PID1: variants seen among roughly 807,000 people sequenced by gnomAD.
The protein encoded by PID1 is PTB-containing, cubilin and LRP1-interacting protein.
A neutral mutation model predicts 19.1 loss-of-function variants in PID1; 10 were observed. That is an observed-to-expected ratio of 0.52 (90% CI 0.32 to 0.89). PID1 has a LOEUF of 0.89. Ranked by LOEUF, PID1 falls within the 40% of genes least tolerant of loss-of-function variation. The pLI is 0.03. For synonymous variants in PID1, 130 were observed against 116.0 expected, an observed-to-expected ratio of 1.12 and a Z score of -0.78; for missense variants, 248 against 285.3, an observed-to-expected ratio of 0.87 and a Z score of 0.94.
At chr2:229,154,939 T>A (rs1325015750) in intron 2 of PID1, among the ~76,000 whole-genome samples, 2 of 152,214 alleles carry the variant, frequency 1.3e-5, no homozygotes, top group Admixed American at 6.5e-5. Flanking sequence ...ACCAAAATTA[T>A]ACATTTCATT....
chr2:229,196,257 A>T (rs944873630), intron 1 of PID1, among the ~76,000 whole-genome samples: 2 of 152,092 alleles, frequency 1.3e-5, no homozygotes, highest in African/African-American at 4.8e-5. Context: ...GAGGCAGTAA[A>T]AAACATACAG....
chr2:229,057,544 G>A (rs1333120895), intron 2 of PID1, among the ~76,000 whole-genome samples: 2 of 151,718 alleles, frequency 1.3e-5, no homozygotes, highest in African/African-American at 4.8e-5. Flanking sequence ...GATATGCACT[G>A]CAAACAGAAT....
chr2:229,169,534 A>T (rs1221629283), intron 1 of PID1, among the ~76,000 whole-genome samples: 1 of 152,214 alleles, frequency 6.6e-6, no homozygotes, highest in African/African-American at 2.4e-5. Flanking sequence ...AAATTAATAC[A>T]TTGAGGAATG....
chr2:229,136,985 G>A (rs376168177), intron 2 of PID1, among the ~76,000 whole-genome samples: 1 of 152,174 alleles, frequency 6.6e-6, no homozygotes, highest in African/African-American at 2.4e-5. Flanking sequence ...TTAAGGCAAG[G>A]GGGTATTTCC....
intron 1 of PID1, among the ~76,000 whole-genome samples, chr2:229,246,817 G>A (rs1422407026): frequency 6.6e-6 from 1 of 152,118 alleles, no homozygotes; most frequent in Non-Finnish European, 1.5e-5. Context: ...TCTCCAGCTG[G>A]GTTGGTCAGC....
intron 2 of PID1, among the ~76,000 whole-genome samples, chr2:229,028,704 G>A (rs576690562): frequency 3.3e-5 from 5 of 152,260 alleles, no homozygotes; most frequent in South Asian, 4.2e-4. Flanking sequence ...ACAAAATCAC[G>A]TCCTTTGCGA....
chr2:229,096,454 A>G lies in PID1; in HGVS notation c.177+59364T>C, dbSNP rs113797243. Among the ~76,000 whole-genome samples, 1,166 of 152,260 alleles carry G rather than the reference A, an allele frequency of 7.7e-3. 14 individuals carry two copies. The highest frequency in any genetic ancestry group is 0.027 in the African/African-American group (1,116 of 41,566). On this transcript the variant is annotated intron_variant, in intron 2 of 2. Coordinates refer to ENST00000392055, the MANE Select transcript of PID1 (RefSeq NM_001100818.2). ...AAGAGCTCAGCAATTTTCTTGTAACATATTAGTAAAGATGTCTCCGTTTCA... is the reference window on the plus strand; with the variant it reads ...AAGAGCTCAGCAATTTTCTTGTAACGTATTAGTAAAGATGTCTCCGTTTCA...
At chr2:229,167,540 C>T (rs571243660) in intron 1 of PID1, among the ~76,000 whole-genome samples, 34 of 152,098 alleles carry the variant, frequency 2.2e-4, no homozygotes, top group South Asian at 1.0e-3. Flanking sequence ...TCTTCAAAAA[C>T]GTTACAGTTA....
At chr2:229,185,317 A>C (rs1365528255) in intron 1 of PID1, among the ~76,000 whole-genome samples, 1 of 151,916 alleles carries the variant, frequency 6.6e-6, no homozygotes. Context: ...ATGTTTCTCT[A>C]GATGCCCTCG....
intron 2 of PID1, among the ~76,000 whole-genome samples, chr2:229,124,058 G>C (rs765819024): frequency 6.6e-6 from 1 of 152,124 alleles, no homozygotes; most frequent in South Asian, 2.1e-4. Context: ...AAAATATGGC[G>C]AGACTGGAAG....
intron 2 of PID1, among the ~76,000 whole-genome samples, chr2:229,035,301 A>T (rs1344766418): frequency 6.6e-6 from 1 of 152,180 alleles, no homozygotes; most frequent in Non-Finnish European, 1.5e-5. Context: ...CTGCTTCTAG[A>T]CTGATTTCTG....
chr2:229,155,606 T>A (rs949927138), intron 2 of PID1, among the ~76,000 whole-genome samples: 1 of 152,146 alleles, frequency 6.6e-6, no homozygotes, highest in Non-Finnish European at 1.5e-5. Flanking sequence ...CCCTAGGTCT[T>A]TAATGCGTGT....
chr2:229,046,489 A>T (rs1190692272), intron 2 of PID1, among the ~76,000 whole-genome samples: 1 of 152,090 alleles, frequency 6.6e-6, no homozygotes, highest in Non-Finnish European at 1.5e-5. Context: ...AGAGGTATAT[A>T]GAGGAAAAAT....
At chr2:229,235,194 C>T (rs1022871043) in intron 1 of PID1, among the ~76,000 whole-genome samples, 1 of 152,236 alleles carries the variant, frequency 6.6e-6, no homozygotes, top group Non-Finnish European at 1.5e-5. Context: ...ACCCCTGTGG[C>T]GGGAGGAGCT....
At chr2:229,128,681 T>C (rs1217619073) in intron 2 of PID1, among the ~76,000 whole-genome samples, 4 of 152,346 alleles carry the variant, frequency 2.6e-5, no homozygotes, top group Non-Finnish European at 5.9e-5. Context: ...CTAACCACCA[T>C]GCATTGAATG....
At chr2:229,199,927 G>A (rs1691460947) in intron 1 of PID1, among the ~76,000 whole-genome samples, 1 of 151,890 alleles carries the variant, frequency 6.6e-6, no homozygotes, top group South Asian at 2.1e-4. Context: ...CTACATATAT[G>A]TGTGTGTGCA....
chr2:229,247,967 T>A (rs995286748), intron 1 of PID1, among the ~76,000 whole-genome samples: 7 of 152,194 alleles, frequency 4.6e-5, no homozygotes, highest in African/African-American at 1.7e-4. Flanking sequence ...CTCTTCCTTC[T>A]CATCCTCCTC....
intron 1 of PID1, among the ~76,000 whole-genome samples, chr2:229,223,585 T>C (rs570866129): frequency 3.5e-4 from 53 of 152,336 alleles, no homozygotes; most frequent in Middle Eastern, 3.4e-3. Context: ...ACAGTCAGGA[T>C]GGAAATTATT....
intron 1 of PID1, among the ~76,000 whole-genome samples, chr2:229,206,688 G>A (rs1691615924): frequency 6.6e-6 from 1 of 152,220 alleles, no homozygotes; most frequent in Admixed American, 6.5e-5. Flanking sequence ...TTTATGTATT[G>A]GTACCCGTAG....
Sources: allele counts gnomAD v4.1 joint callset (sites outside exome capture counted in the v4.1 genomes callset), GRCh38; gene constraint gnomAD v4.1.1; transcripts MANE v1.5; gene names NCBI Gene and HGNC (gene_info 2026-07-23, HGNC 2026-07-21).